The following TTC7A variants were observed in gnomAD, a reference collection of about 807,000 sequenced individuals.
The protein encoded by TTC7A is tetratricopeptide repeat protein 7A.
A neutral mutation model predicts 103.7 loss-of-function variants in TTC7A; 110 were observed. The observed-to-expected ratio is 1.06, with a 90% CI of 0.91 to 1.24. TTC7A has a LOEUF of 1.24. TTC7A is among the 50% of genes most tolerant of loss of function. The probability of loss-of-function intolerance (pLI) is 0.00; values close to 1 mark genes in which losing one functional copy is unlikely to be tolerated. For synonymous variants in TTC7A, 521 were observed against 467.9 expected, an observed-to-expected ratio of 1.11 and a Z score of -1.47; for missense variants, 1,340 against 1,116.3, an observed-to-expected ratio of 1.20 and a Z score of -2.86.
intron 3 of TTC7A, among the ~76,000 whole-genome samples, chr2:46,966,591 C>CTT (rs11336534): frequency 2.8e-5 from 4 of 145,366 alleles, no homozygotes; most frequent in African/African-American, 1.0e-4. Context: ...TATGCTAAAT[C>CTT]TTTTTTTTTT....
rs139297825 is a variant in TTC7A, at chr2:47,044,447, G to A, written c.1803-1868G>A. Among the ~76,000 whole-genome samples the A allele has an allele frequency of 2.6e-3, 395 of 152,330 alleles. 1 individual carries two copies. Among genetic ancestry groups the A allele is most frequent in the African/African-American group, 9.1e-3 (379 of 41,576 alleles). On this transcript the variant is annotated intron_variant, in intron 15 of 19. Transcript: ENST00000319190. ...ACAGTGGCAAGACCAGTTGTCCCCA[G>A]CAGTTGCCCACTGGGGTCATTCCTA...
intron 4 of TTC7A, among the ~76,000 whole-genome samples, chr2:46,975,904 T>C (rs1028135914): frequency 6.6e-5 from 10 of 152,094 alleles, no homozygotes; most frequent in Admixed American, 2.0e-4. Context: ...GCCCTTCTAA[T>C]TTTTGTATTT....
chr2:46,971,129 G>C (rs953730723), intron 3 of TTC7A, among the ~76,000 whole-genome samples: 2 of 152,238 alleles, frequency 1.3e-5, no homozygotes, highest in African/African-American at 2.4e-5. Context: ...TGTGTGCCAG[G>C]TGGTAGAAAA....
At chr2:47,019,358 C>T (rs565693426) in intron 11 of TTC7A, among the ~76,000 whole-genome samples, 3 of 151,778 alleles carry the variant, frequency 2.0e-5, no homozygotes, top group African/African-American at 7.3e-5. Flanking sequence ...CATAGTGAGA[C>T]ACCATTTTCT....
chr2:46,967,521 G>GTT (rs1413208488), intron 3 of TTC7A, among the ~76,000 whole-genome samples: 1 of 152,120 alleles, frequency 6.6e-6, no homozygotes, highest in Non-Finnish European at 1.5e-5. Flanking sequence ...GCCTTTTTGT[G>GTT]TCTGGCTCAT....
At chr2:46,968,144 T>C (rs6707483) in intron 3 of TTC7A, among the ~76,000 whole-genome samples, 151,362 of 152,350 alleles carry the variant, frequency 0.99, 75,191 homozygotes, top group East Asian at 1. Context: ...ACTGAAGGAG[T>C]TGGGACCAGC....
At chr2:46,923,889 C>T (rs755139953) in intron 2 of TTC7A, among the ~76,000 whole-genome samples, 2 of 152,042 alleles carry the variant, frequency 1.3e-5, no homozygotes, top group African/African-American at 2.4e-5. Flanking sequence ...CCTGCCACCA[C>T]GCCCAGCTAA....
intron 15 of TTC7A, among the ~76,000 whole-genome samples, chr2:47,043,956 C>T (rs1039816779): frequency 6.6e-6 from 1 of 152,310 alleles, no homozygotes; most frequent in Admixed American, 6.5e-5. Context: ...GAGAAGGGGG[C>T]TCTGGCAGAG....
chr2:46,973,308 G>C (rs1441963920), intron 3 of TTC7A, among the ~76,000 whole-genome samples: 1 of 152,192 alleles, frequency 6.6e-6, no homozygotes, highest in African/African-American at 2.4e-5. Flanking sequence ...AGCACAGCCA[G>C]GTTTTCCAAG....
At chr2:46,949,360 G>A (rs1671209640) in intron 1 of TTC7A, among the ~76,000 whole-genome samples, 1 of 152,146 alleles carries the variant, frequency 6.6e-6, no homozygotes. Flanking sequence ...AGCTTCCCGA[G>A]TAGCTGGGAT....
At chr2:47,045,752 G>T (rs1323303831) in intron 15 of TTC7A, among the ~76,000 whole-genome samples, 1 of 152,214 alleles carries the variant, frequency 6.6e-6, no homozygotes, top group Non-Finnish European at 1.5e-5. Flanking sequence ...CACTTAGGAG[G>T]CGTTGCTTGG....
intron 3 of TTC7A, among the ~76,000 whole-genome samples, chr2:46,959,085 C>G (rs982402619): frequency 3.9e-5 from 6 of 152,194 alleles, no homozygotes; most frequent in African/African-American, 1.2e-4. Flanking sequence ...GTGGCAGAGG[C>G]AGGATTTGAA....
chr2:47,043,466 G>C (rs376246818), intron 15 of TTC7A, among the ~76,000 whole-genome samples: 3 of 152,152 alleles, frequency 2.0e-5, no homozygotes, highest in African/African-American at 4.8e-5. Context: ...AGCCTGTTCC[G>C]AGGCTCAGGG....
At position 46,934,787 on chromosome 2, in the gene TTC7A, C is replaced by CTTTTTTTTT. The variant is rs1161003607; in HGVS notation, c.83-15552_83-15544dup. Among the ~76,000 whole-genome samples the CTTTTTTTTT allele has an allele frequency of 2.1e-3, 142 of 66,918 alleles. 17 individuals are homozygous for CTTTTTTTTT. Among genetic ancestry groups the CTTTTTTTTT allele is most frequent in the Non-Finnish European group, 2.9e-3 (110 of 37,310 alleles). The allele number at this position is 66,918 out of a possible 152,430, so 43.9% of individuals were successfully genotyped here. On this transcript the variant is annotated intron_variant, in intron 2 of 20. Transcript: ENST00000409245. ...GGAATAAGGTATGAAGACTACTGCT[C>CTTTTTTTTT]TTTTTTTTTTTTTTTTTTTTTTTTT...
At chr2:47,005,234 G>C (rs56179906) in intron 8 of TTC7A, among the ~76,000 whole-genome samples, 5 of 150,680 alleles carry the variant, frequency 3.3e-5, no homozygotes, top group East Asian at 1.9e-4. Context: ...GAGGAAGGGA[G>C]GGGGGGGCTC....
At chr2:47,063,179 T>C (rs575113417) in intron 19 of TTC7A, among the ~76,000 whole-genome samples, 7 of 152,368 alleles carry the variant, frequency 4.6e-5, no homozygotes, top group African/African-American at 7.2e-5. Flanking sequence ...CCTGATCCAC[T>C]TGGGGGACTT....
chr2:46,986,450 C>T (rs559855579), intron 5 of TTC7A, among the ~76,000 whole-genome samples: 11 of 151,556 alleles, frequency 7.3e-5, no homozygotes, highest in Non-Finnish European at 1.2e-4. Flanking sequence ...CCCCTCCCCT[C>T]GTGGAGTGAC....
intron 8 of TTC7A, among the ~76,000 whole-genome samples, chr2:47,001,808 G>A (rs1572870029): frequency 6.8e-6 from 1 of 147,596 alleles, no homozygotes. Flanking sequence ...GCAGTGAGCC[G>A]AGACCACACC....
At chr2:47,027,621 T>C (rs1255713051) in intron 14 of TTC7A, among the ~76,000 whole-genome samples, 1 of 152,210 alleles carries the variant, frequency 6.6e-6, no homozygotes, top group Non-Finnish European at 1.5e-5. Flanking sequence ...AGAACCCAGC[T>C]CTTGTGTATT....
Sources: allele counts gnomAD v4.1 joint callset (sites outside exome capture counted in the v4.1 genomes callset), GRCh38; gene constraint gnomAD v4.1.1; transcripts MANE v1.5; gene names NCBI Gene and HGNC (gene_info 2026-07-23, HGNC 2026-07-21).